The following WIPF3 variants were observed in gnomAD, a reference collection of about 807,000 sequenced individuals.
WIPF3 encodes the protein WAS/WASL-interacting protein family member 3.
A neutral mutation model predicts 38.9 loss-of-function variants in WIPF3; 33 were observed. That is an observed-to-expected ratio of 0.85 (90% confidence interval 0.64 to 1.14). The LOEUF (loss-of-function observed/expected upper bound fraction) is 1.14, where lower values mean the gene tolerates loss of function less well. WIPF3 is among the 50% of genes most tolerant of loss of function. WIPF3 has a pLI of 0.00. For missense variants in WIPF3, 711 were observed against 652.5 expected (o/e 1.09, Z -0.98); for synonymous variants, 324 against 269.3 (o/e 1.20, Z -1.99).
At chr7:29,825,521 A>T (rs1784602615) in intron 1 of WIPF3, among the ~76,000 whole-genome samples, 1 of 152,226 alleles carries the variant, frequency 6.6e-6, no homozygotes. Context: ...TAATTCAAGG[A>T]TGAAAGAGAA....
At chr7:29,874,702 A>G (rs1366729567) in intron 2 of WIPF3, among the ~76,000 whole-genome samples, 1 of 152,104 alleles carries the variant, frequency 6.6e-6, no homozygotes, top group African/African-American at 2.4e-5. Context: ...TTTATTTGCC[A>G]CCAATCTCCT....
chr7:29,817,374 A>G (rs1470888154), intron 1 of WIPF3, among the ~76,000 whole-genome samples: 1 of 152,046 alleles, frequency 6.6e-6, no homozygotes. Context: ...ATATGTATTT[A>G]TTGCTTTGCA....
At chr7:29,826,014 T>A (rs1199199310) in intron 1 of WIPF3, among the ~76,000 whole-genome samples, 1 of 152,192 alleles carries the variant, frequency 6.6e-6, no homozygotes, top group East Asian at 1.9e-4. Context: ...TTGTATGTCA[T>A]ATTCAATTCC....
At chr7:29,872,516 G>A (rs909963342) in intron 2 of WIPF3, among the ~76,000 whole-genome samples, 5 of 152,098 alleles carry the variant, frequency 3.3e-5, no homozygotes, top group African/African-American at 1.2e-4. Context: ...AGGTGAGGCC[G>A]GGCACAGTGG....
At position 29,904,301 on chromosome 7, in the gene WIPF3, C is replaced by A. The variant is rs770414489; in HGVS notation, c.1367C>A (p.Pro456His). Reference protein sequence around the residue: ...SKIPRSRTPGPWLQAEAVGQS... With the variant: ...SKIPRSRTPGHWLQAEAVGQS... Reference sequence around the variant, plus strand: ...TTTCCTTCAGGCCGTACACCTGGTCCCTGGCTCCAAGCGGAAGCAGTCGGG... The same window carrying A: ...TTTCCTTCAGGCCGTACACCTGGTCACTGGCTCCAAGCGGAAGCAGTCGGG... Residue 456 changes from proline (P) to histidine (H), a missense_variant, in exon 8 of 9, where the codon CCC (proline) becomes CAC (histidine). Transcript: ENST00000242140. 1.2e-6 allele frequency: 2 copies of A among 1,613,746 alleles called. No homozygotes were observed. The highest frequency in any genetic ancestry group is 1.7e-6 in the Non-Finnish European group (2 of 1,179,844).
intron 5 of WIPF3, 103 bp downstream of exon 5, chr7:29,884,696 C>T (rs985055550): frequency 1.4e-6 from 2 of 1,431,844 alleles, no homozygotes; most frequent in African/African-American, 1.4e-5. Flanking sequence ...AGATGGACAC[C>T]AGGGGTGAGG....
chr7:29,896,052 G>C (rs536697340), intron 7 of WIPF3, among the ~76,000 whole-genome samples: 1 of 152,312 alleles, frequency 6.6e-6, no homozygotes, highest in East Asian at 1.9e-4. Context: ...GGTTTCCAGA[G>C]AGAAGAGGAA....
At chr7:29,910,546 T>C (rs760229446) in intron 8 of WIPF3, among the ~76,000 whole-genome samples, 1 of 152,156 alleles carries the variant, frequency 6.6e-6, no homozygotes, top group Non-Finnish European at 1.5e-5. Context: ...AATCCAGTAG[T>C]ATATTAAAAG....
At chr7:29,848,009 G>T (rs1244130993) in intron 2 of WIPF3, among the ~76,000 whole-genome samples, 1 of 152,152 alleles carries the variant, frequency 6.6e-6, no homozygotes, top group Non-Finnish European at 1.5e-5. Context: ...ATGTGCAGAT[G>T]TTACCATTTC....
At chr7:29,840,232 G>A (rs1010431058) in intron 2 of WIPF3, among the ~76,000 whole-genome samples, 12 of 152,082 alleles carry the variant, frequency 7.9e-5, no homozygotes, top group Non-Finnish European at 1.8e-4. Flanking sequence ...TTGAGCTGTG[G>A]CCCACTCCAT....
chr7:29,834,827 T>C lies in WIPF3; in HGVS notation c.90+13T>C. On this transcript the variant is annotated intron_variant, in intron 2 of 8. Coordinates refer to ENST00000242140, the MANE Select transcript of WIPF3 (RefSeq NM_001080529.3). Reference sequence around the variant, plus strand: ...ATCAGCACCCCCGGTAAGACCTTTTTTTCTGATTGGTTTACTGTGGAGCAT... The same window carrying C: ...ATCAGCACCCCCGGTAAGACCTTTTCTTCTGATTGGTTTACTGTGGAGCAT... 6.5e-7 allele frequency: 1 copy of C among 1,537,328 alleles called. No individual in the cohort carries two copies. Among genetic ancestry groups the C allele is most frequent in the Non-Finnish European group, 8.8e-7 (1 of 1,139,104 alleles).
intron 2 of WIPF3, among the ~76,000 whole-genome samples, chr7:29,864,346 T>C (rs1178779361): frequency 6.6e-6 from 1 of 152,208 alleles, no homozygotes; most frequent in Non-Finnish European, 1.5e-5. Flanking sequence ...AACCAGATTT[T>C]ATTATATTGT....
intron 1 of WIPF3, among the ~76,000 whole-genome samples, chr7:29,826,183 A>G (rs1252070563): frequency 6.6e-6 from 1 of 152,058 alleles, no homozygotes; most frequent in East Asian, 1.9e-4. Context: ...AACTTTAGCG[A>G]GCATAAAACT....
intron 8 of WIPF3, among the ~76,000 whole-genome samples, chr7:29,910,662 A>G (rs1786489138): frequency 6.6e-6 from 1 of 152,228 alleles, no homozygotes; most frequent in South Asian, 2.1e-4. Context: ...TGAAGGGAAA[A>G]AAACACATGA....
intron 2 of WIPF3, among the ~76,000 whole-genome samples, chr7:29,837,440 A>G (rs1355094735): frequency 6.6e-6 from 1 of 152,264 alleles, no homozygotes; most frequent in African/African-American, 2.4e-5. Context: ...AATAGCAAAA[A>G]TCAGAAGAGA....
intron 1 of WIPF3, among the ~76,000 whole-genome samples, chr7:29,807,241 A>G (rs117135280): frequency 0.011 from 1,708 of 152,246 alleles, 15 homozygotes; most frequent in Non-Finnish European, 0.018. Context: ...TGACTTGTCC[A>G]AGGTCACACA....
At chr7:29,870,415 G>A (rs1460330406) in intron 2 of WIPF3, among the ~76,000 whole-genome samples, 4 of 152,144 alleles carry the variant, frequency 2.6e-5, no homozygotes, top group African/African-American at 4.8e-5. Context: ...TCATGGCAGC[G>A]ATGGAGAAGA....
At chr7:29,893,172 G>A (rs1318356229) in intron 7 of WIPF3, among the ~76,000 whole-genome samples, 1 of 152,242 alleles carries the variant, frequency 6.6e-6, no homozygotes, top group African/African-American at 2.4e-5. Flanking sequence ...ATCAAGGAAA[G>A]TGGAGGAGCC....
chr7:29,866,603 C>T (rs1407968708), intron 2 of WIPF3, among the ~76,000 whole-genome samples: 1 of 152,254 alleles, frequency 6.6e-6, no homozygotes, highest in Non-Finnish European at 1.5e-5. Flanking sequence ...TTAATGCACT[C>T]ATCAGGCTCT....
Sources: gnomAD v4.1 joint callset for allele counts (sites outside exome capture counted in the v4.1 genomes callset) on GRCh38, gnomAD v4.1.1 for gene constraint, MANE v1.5 for transcripts, NCBI Gene and HGNC (gene_info 2026-07-23, HGNC 2026-07-21) for gene names.